CLDN16: variants seen among roughly 807,000 people sequenced by gnomAD.
CLDN16 encodes claudin 16, also known as claudin-16.
A neutral mutation model predicts 24.6 loss-of-function variants in CLDN16; 13 were observed. That is an observed-to-expected ratio of 0.53 (90% CI 0.34 to 0.84). The LOEUF is 0.84. Among genes scored for constraint, CLDN16 ranks in the 40% least tolerant of loss-of-function variants. CLDN16 has a pLI of 0.01. For synonymous variants in CLDN16, 116 were observed against 106.7 expected (o/e 1.09, Z -0.54); for missense variants, 298 against 292.7 (o/e 1.02, Z -0.13).
chr3:190,317,154 A>G, the CLDN16 span, among the ~76,000 whole-genome samples: 1 of 152,222 alleles, frequency 6.6e-6, no homozygotes, highest in African/African-American at 2.4e-5. Flanking sequence ...TGGTCTGATT[A>G]GAACAAACCT....
chr3:190,394,946 G>C (rs945088837), intron 1 of CLDN16, among the ~76,000 whole-genome samples: 1 of 152,090 alleles, frequency 6.6e-6, no homozygotes, highest in Non-Finnish European at 1.5e-5. Context: ...TTCTGGACTA[G>C]AGAATGTGGC....
chr3:190,409,050 T>G (rs1260782097), intron 4 of CLDN16, among the ~76,000 whole-genome samples: 1 of 151,274 alleles, frequency 6.6e-6, no homozygotes, highest in African/African-American at 2.4e-5. Context: ...ATTTTTTCAA[T>G]TAATGTAACA....
intron 1 of CLDN16, among the ~76,000 whole-genome samples, chr3:190,390,307 C>T (rs936997889): frequency 6.6e-6 from 1 of 152,116 alleles, no homozygotes; most frequent in African/African-American, 2.4e-5. Context: ...AAGGCCGAGG[C>T]GGGCAGATCA....
chr3:190,406,975 C>T (rs1305032945), intron 3 of CLDN16, among the ~76,000 whole-genome samples: 6 of 151,964 alleles, frequency 3.9e-5, no homozygotes, highest in African/African-American at 9.7e-5. Flanking sequence ...CTCTTGACCT[C>T]GTGATCCGCC....
At chr3:190,367,267 G>A (rs1296342354) in intron 1 of CLDN16, among the ~76,000 whole-genome samples, 8 of 151,980 alleles carry the variant, frequency 5.3e-5, no homozygotes, top group Admixed American at 4.6e-4. Context: ...CTTTAAATGT[G>A]ATAGAAAGCA....
At chr3:190,370,754 G>A (rs1166059330) in intron 1 of CLDN16, 1 of 151,850 alleles carries the variant, frequency 6.6e-6, no homozygotes. Flanking sequence ...TCAGTGGGCT[G>A]GGGAAGGTAG....
rs575137940 is a variant in CLDN16 at position 190,348,105 on chromosome 3, A to AT, written n.122-22788_122-22787insT. ...GAAAATACAAAAAAAAAAAAAAAAA[A>AT]ATTAGCTGGCACGGTGGCACTTGCC... On this transcript the variant is annotated intron_variant and non_coding_transcript_variant, in intron 1 of 4. Coordinates refer to the CLDN16 transcript ENST00000468220. Among the ~76,000 whole-genome samples the AT allele has an allele frequency of 1.2e-3, 180 of 146,362 alleles. 2 individuals carry two copies. Among genetic ancestry groups the AT allele is most frequent in the Middle Eastern group, 3.5e-3 (1 of 288 alleles).
intron 1 of CLDN16, among the ~76,000 whole-genome samples, chr3:190,349,274 G>C (rs55704239): frequency 0.043 from 6,603 of 152,212 alleles, 218 homozygotes; most frequent in East Asian, 0.14. Context: ...GTTCTCATAA[G>C]AGCTGGTTGT....
intron 1 of CLDN16, among the ~76,000 whole-genome samples, chr3:190,361,553 G>T (rs2108641664): frequency 6.6e-6 from 1 of 152,066 alleles, no homozygotes; most frequent in Middle Eastern, 3.4e-3. Context: ...TAGAAATTAT[G>T]GTTTAGGGGT....
At chr3:190,300,996 T>C in the CLDN16 span, among the ~76,000 whole-genome samples, 2 of 152,218 alleles carry the variant, frequency 1.3e-5, no homozygotes, top group Non-Finnish European at 2.9e-5. Context: ...TCTGCCATTA[T>C]TAACCAGCTA....
chr3:190,344,662 G>T (rs1351789553), intron 1 of CLDN16, among the ~76,000 whole-genome samples: 1 of 151,404 alleles, frequency 6.6e-6, no homozygotes, highest in East Asian at 1.9e-4. Flanking sequence ...AATTTTCCTT[G>T]TCTTCCATAA....
chr3:190,377,721 T>G (rs1023352178), intron 3 of CLDN16, among the ~76,000 whole-genome samples: 2 of 152,016 alleles, frequency 1.3e-5, no homozygotes, highest in African/African-American at 4.8e-5. Context: ...GCAAGATGTG[T>G]GTGTAAATTC....
At chr3:190,325,457 T>C (rs1290827084) in intron 1 of CLDN16, among the ~76,000 whole-genome samples, 2 of 152,232 alleles carry the variant, frequency 1.3e-5, no homozygotes, top group African/African-American at 4.8e-5. Flanking sequence ...TTTTATACCC[T>C]GGGGATTTAG....
intron 1 of CLDN16, among the ~76,000 whole-genome samples, chr3:190,353,093 C>T (rs1042336087): frequency 2.0e-5 from 3 of 151,984 alleles, no homozygotes; most frequent in Non-Finnish European, 4.4e-5. Context: ...ATGGGATAAA[C>T]ATAGTACCTA....
the CLDN16 span, among the ~76,000 whole-genome samples, chr3:190,317,503 T>C: frequency 1.7e-4 from 26 of 152,346 alleles, no homozygotes; most frequent in African/African-American, 5.5e-4. Flanking sequence ...TCAACAAATG[T>C]GTAGAAAGAC....
At chr3:190,388,729 G>T (rs1033212432) in intron 1 of CLDN16, among the ~76,000 whole-genome samples, 1 of 152,110 alleles carries the variant, frequency 6.6e-6, no homozygotes, top group Non-Finnish European at 1.5e-5. Flanking sequence ...CTGCTACTGA[G>T]ACCTCCAGAA....
chr3:190,301,468 T>A, the CLDN16 span, among the ~76,000 whole-genome samples: 1 of 148,752 alleles, frequency 6.7e-6, no homozygotes, highest in Non-Finnish European at 1.5e-5. Context: ...CATTCCAGCC[T>A]GGGCGACAGA....
At chr3:190,377,905 A>G (rs568831657) in intron 3 of CLDN16, among the ~76,000 whole-genome samples, 1 of 152,006 alleles carries the variant, frequency 6.6e-6, no homozygotes, top group Non-Finnish European at 1.5e-5. Context: ...CCTGAACAAG[A>G]GTATCTCCAA....
At chr3:190,312,241 G>A in the CLDN16 span, among the ~76,000 whole-genome samples, 3 of 152,006 alleles carry the variant, frequency 2.0e-5, no homozygotes, top group South Asian at 2.1e-4. Flanking sequence ...TAAAAAACAC[G>A]TATTTATTTT....
Sources: allele counts gnomAD v4.1 joint callset (sites outside exome capture counted in the v4.1 genomes callset), GRCh38; gene constraint gnomAD v4.1.1; transcripts MANE v1.5; gene names NCBI Gene and HGNC (gene_info 2026-07-23, HGNC 2026-07-21).